EGFL7: variants seen among roughly 807,000 people sequenced by gnomAD.
The protein encoded by EGFL7 is epidermal growth factor-like protein 7.
Under a neutral mutation model 37.1 loss-of-function variants are expected in EGFL7, and 48 were observed. The ratio of observed to expected loss-of-function variants is 1.29; its 90% CI spans 1.03 to 1.65. EGFL7 has a LOEUF of 1.65. Ranked by LOEUF, EGFL7 falls within the 40% of genes most tolerant of loss-of-function variation. The pLI, the probability that EGFL7 is intolerant of heterozygous loss-of-function variation, is 0.00. For synonymous variants in EGFL7, 180 were observed against 156.8 expected, an observed-to-expected ratio of 1.15 and a Z score of -1.10; for missense variants, 384 against 378.9, an observed-to-expected ratio of 1.01 and a Z score of -0.11.
At position 136,672,347 on chromosome 9, in the gene EGFL7, GC is replaced by G; in HGVS notation, c.*64del. The G allele has an allele frequency of 6.2e-7, 1 of 1,609,528 alleles. No individual in the cohort carries two copies. Among genetic ancestry groups the G allele is most frequent in the Non-Finnish European group, 8.5e-7 (1 of 1,177,242 alleles). Reference sequence around the variant, plus strand: ...GCCGCCCTGCAGCCCCCATGCCCCTGCCCAACATGCTGGGGGTCCAGAAACC... The same window carrying G: ...GCCGCCCTGCAGCCCCCATGCCCCTGCCAACATGCTGGGGGTCCAGAAACC... On this transcript the variant is annotated 3_prime_UTR_variant, in exon 11 of 11. Transcript: ENST00000308874.
rs201849293 is a variant in EGFL7 at position 136,668,408 on chromosome 9, A to G, written c.80+46A>G. The G allele has an allele frequency of 5.9e-6, 9 of 1,533,384 alleles. No homozygotes were observed. In the African/African-American group the frequency reaches 9.6e-5, roughly 16 times the overall value. 95.0% of individuals were successfully genotyped at this position (1,533,384 alleles called of 1,614,324 possible). ...GGAGTGCTGGGGTGGGGGGACCGGG[A>G]GCCCTCAGCACCTCCTAGAGGCGGC... On this transcript the variant is annotated intron_variant, in intron 4 of 10. Coordinates refer to ENST00000308874, the MANE Select transcript of EGFL7 (RefSeq NM_016215.5).
chr9:136,670,333 A>G lies in EGFL7; in HGVS notation c.571+3A>G. 1 of 1,561,924 alleles carries G rather than the reference A, an allele frequency of 6.4e-7. No individual in the cohort carries two copies. The highest frequency in any genetic ancestry group is 8.7e-7 in the Non-Finnish European group (1 of 1,150,906). On this transcript the variant is annotated splice_donor_region_variant and intron_variant, in intron 8 of 10. Coordinates refer to ENST00000308874, the MANE Select transcript of EGFL7 (RefSeq NM_016215.5). ...CAGGGTGGCCCCCAACCCGACAGGTAAACAGCCCTGGCTGTGCCTGGCCTG... is the reference window on the plus strand; with the variant it reads ...CAGGGTGGCCCCCAACCCGACAGGTGAACAGCCCTGGCTGTGCCTGGCCTG...
chr9:136,665,220 C>A (rs1845385010), intron 3 of EGFL7, among the ~76,000 whole-genome samples: 8 of 152,222 alleles, frequency 5.3e-5, no homozygotes, highest in Admixed American at 5.2e-4. Context: ...CAACCTAACA[C>A]GCTAAGGCTA....
chr9:136,665,642 C>A (rs1845411378), intron 3 of EGFL7: 1 of 151,608 alleles, frequency 6.6e-6, no homozygotes, highest in South Asian at 2.1e-4. Flanking sequence ...GAGTCACTGC[C>A]CGCCCGGGGG....
At chr9:136,659,890 C>A (rs1845031696), upstream of EGFL7, among the ~76,000 whole-genome samples, 4 of 152,342 alleles carry the variant, frequency 2.6e-5, no homozygotes, top group Middle Eastern at 6.8e-3. Context: ...GGTGGCCACA[C>A]TCTCCCACCA....
intron 5 of EGFL7, among the ~76,000 whole-genome samples, chr9:136,669,334 G>C (rs561787710): frequency 6.6e-6 from 1 of 152,314 alleles, no homozygotes; most frequent in African/African-American, 2.4e-5. Context: ...TAGGAGACCA[G>C]ATAGGTGGGG....
intron 3 of EGFL7, among the ~76,000 whole-genome samples, 184 bp downstream of exon 3, chr9:136,664,969 G>A (rs1053499721): frequency 2.0e-5 from 3 of 152,256 alleles, no homozygotes; most frequent in Non-Finnish European, 2.9e-5. Context: ...CGACCTCACC[G>A]TCACTAGATC....
chr9:136,660,145 C>T (rs1845049613), upstream of EGFL7, among the ~76,000 whole-genome samples: 1 of 152,164 alleles, frequency 6.6e-6, no homozygotes, highest in South Asian at 2.1e-4. Context: ...AGCCCCTGGG[C>T]CTTGGGCACA....
At chr9:136,665,487 C>A (rs951390029) in intron 3 of EGFL7, among the ~76,000 whole-genome samples, 2 of 152,218 alleles carry the variant, frequency 1.3e-5, no homozygotes, top group African/African-American at 2.4e-5. Flanking sequence ...CCTCTCCTGG[C>A]TCCTGGCGGC....
chr9:136,661,259 G>A (rs991522128), upstream of EGFL7, among the ~76,000 whole-genome samples: 7 of 152,064 alleles, frequency 4.6e-5, no homozygotes, highest in African/African-American at 1.4e-4. Context: ...GACTGGGCCC[G>A]GCCTGCTGCC....
intron 3 of EGFL7, chr9:136,665,887 G>A (rs1418196666): frequency 6.9e-6 from 1 of 144,372 alleles, no homozygotes; most frequent in Admixed American, 6.8e-5. Context: ...TCGAGGGCGG[G>A]ACCCGCGGAG....
chr9:136,670,885 A>T, intron 8 of EGFL7, 65 bp from the exon 9 acceptor site: 1 of 1,410,590 alleles, frequency 7.1e-7, no homozygotes, highest in Non-Finnish European at 9.7e-7. Flanking sequence ...TGGGGACAGG[A>T]GGGAGCCTGG....
At chr9:136,665,495 G>C (rs1008915606) in intron 3 of EGFL7, among the ~76,000 whole-genome samples, 3 of 152,196 alleles carry the variant, frequency 2.0e-5, no homozygotes, top group Non-Finnish European at 2.9e-5. Flanking sequence ...GGCTCCTGGC[G>C]GCCGGGCTTG....
At chr9:136,668,764 T>A in intron 5 of EGFL7, 91 bp downstream of exon 5, 1 of 1,169,324 alleles carries the variant, frequency 8.6e-7, no homozygotes, top group Non-Finnish European at 1.2e-6. Context: ...GGGTGAATCC[T>A]GGGACCCAAG....
rs1845922874 is a variant in EGFL7 at position 136,671,793 on chromosome 9, T to C, written c.637-133T>C. ...TTTCTGCCACGGCAGCCCCCTCTAG[T>C]GGACACTTGGAGCCCTGCCGCGGAG... On this transcript the variant is annotated intron_variant, in intron 9 of 10. Coordinates refer to ENST00000308874, the MANE Select transcript of EGFL7 (RefSeq NM_016215.5). 44 of 1,222,016 alleles carry C rather than the reference T, an allele frequency of 3.6e-5. No individual in the cohort carries two copies. In the South Asian group the frequency reaches 7.4e-4, roughly 21 times the overall value. The allele number at this position is 1,222,016 out of a possible 1,614,324, so 75.7% of individuals were successfully genotyped here.
intron 3 of EGFL7, among the ~76,000 whole-genome samples, chr9:136,667,829 C>G (rs1243732538): frequency 6.6e-6 from 1 of 152,192 alleles, no homozygotes; most frequent in Non-Finnish European, 1.5e-5. Flanking sequence ...GCTCTGCCCA[C>G]GAACACCCCG....
upstream of EGFL7, chr9:136,659,085 C>G (rs1844986975): frequency 6.6e-6 from 1 of 152,252 alleles, no homozygotes; most frequent in Admixed American, 6.5e-5. Flanking sequence ...CAGCTGCCTC[C>G]TCTGAAAATG....
At chr9:136,671,434 A>C (rs1200803908) in intron 9 of EGFL7, among the ~76,000 whole-genome samples, 3 of 152,024 alleles carry the variant, frequency 2.0e-5, no homozygotes, top group African/African-American at 7.2e-5. Flanking sequence ...GGGTGGTCTG[A>C]AAAGGTCCTG....
At chr9:136,670,059 C>T in intron 7 of EGFL7, 50 bp downstream of exon 7, 1 of 1,591,332 alleles carries the variant, frequency 6.3e-7, no homozygotes, top group Non-Finnish European at 8.6e-7. Flanking sequence ...TGGGCACCTC[C>T]TTGCATGTCC....
Sources: allele counts gnomAD v4.1 joint callset (sites outside exome capture counted in the v4.1 genomes callset), GRCh38; gene constraint gnomAD v4.1.1; transcripts MANE v1.5; gene names NCBI Gene and HGNC (gene_info 2026-07-23, HGNC 2026-07-21).